Variants in PPFIA2 observed in about 807,000 individuals in gnomAD.
The protein encoded by PPFIA2 is liprin-alpha-2.
A neutral mutation model predicts 175.5 loss-of-function variants in PPFIA2; 46 were observed. The observed-to-expected ratio is 0.26, with a 90% CI of 0.21 to 0.34. The LOEUF is 0.34. Ranked by LOEUF, PPFIA2 falls within the 10% of genes least tolerant of loss-of-function variation. PPFIA2 has a pLI of 1.00. For missense variants in PPFIA2, 1,179 were observed against 1,506.1 expected (o/e 0.78, Z 3.60); for synonymous variants, 568 against 511.4 (o/e 1.11, Z -1.49).
chr12:81,507,929 C>T (rs979542150), intron 4 of PPFIA2, among the ~76,000 whole-genome samples: 1 of 152,064 alleles, frequency 6.6e-6, no homozygotes, highest in Admixed American at 6.5e-5. Context: ...TATCACATAA[C>T]CAAAAGTTTC....
intron 4 of PPFIA2, among the ~76,000 whole-genome samples, chr12:81,489,029 C>G (rs1209590791): frequency 6.6e-6 from 1 of 151,762 alleles, no homozygotes; most frequent in African/African-American, 2.4e-5. Context: ...ATCACCAATG[C>G]CCAACTTTTC....
chr12:81,624,983 A>G (rs1403574718), intron 4 of PPFIA2, among the ~76,000 whole-genome samples: 1 of 151,802 alleles, frequency 6.6e-6, no homozygotes, highest in Non-Finnish European at 1.5e-5. Context: ...TGAAATAACA[A>G]AACAAAAATA....
chr12:81,277,251 G>T lies in PPFIA2; in HGVS notation c.3310+66C>A, dbSNP rs367642426. On this transcript the variant is annotated intron_variant, in intron 28 of 32. Transcript: ENST00000549396. The stretch of plus-strand genomic sequence containing the variant: ...CATTGTAACACATATAACATTTTAG[G>T]TTAGTAAAAGTGAAAGCTAAAAACC... The T allele has an allele frequency of 5.4e-4, 727 of 1,354,678 alleles. 3 individuals carry two copies. In the African/African-American group the frequency reaches 9.5e-3, roughly 18 times the overall value. 83.9% of individuals were successfully genotyped at this position (1,354,678 alleles called of 1,614,324 possible). A position where few individuals can be genotyped will look rare whatever the true frequency, so the allele number is the denominator to read the frequency against.
At position 81,411,865 on chromosome 12, in the gene PPFIA2, C is replaced by G. The variant is rs558290487; in HGVS notation, c.646-5962G>C. Reference sequence around the variant, plus strand: ...ATGGTGTTAACAGAAAAGAGAAAATCAAACCAAGTGAGGAATGCTGTGAGG... The same window carrying G: ...ATGGTGTTAACAGAAAAGAGAAAATGAAACCAAGTGAGGAATGCTGTGAGG... On this transcript the variant is annotated intron_variant, in intron 7 of 32. Transcript: ENST00000549396. 3.3e-5 allele frequency among the ~76,000 whole-genome samples: 5 copies of G among 152,010 alleles called. No individual in the cohort carries two copies. The South Asian group carries it at 8.3e-4, about 25-fold the overall frequency.
chr12:81,592,120 G>A (rs1419473295), intron 4 of PPFIA2, among the ~76,000 whole-genome samples: 1 of 152,106 alleles, frequency 6.6e-6, no homozygotes, highest in African/African-American at 2.4e-5. Context: ...TTTAAGATTT[G>A]ACTGCCCTGC....
intron 4 of PPFIA2, among the ~76,000 whole-genome samples, chr12:81,503,638 G>A (rs1256760319): frequency 6.6e-6 from 1 of 150,614 alleles, no homozygotes; most frequent in Non-Finnish European, 1.5e-5. Context: ...TAAACTTATA[G>A]ATAAACTGTG....
At chr12:81,422,213 G>A (rs2046404134) in intron 7 of PPFIA2, among the ~76,000 whole-genome samples, 1 of 150,380 alleles carries the variant, frequency 6.6e-6, no homozygotes, top group South Asian at 2.1e-4. Context: ...GAGAAACAAG[G>A]TATTGGAAAC....
chr12:81,388,288 A>G (rs2039403589), intron 8 of PPFIA2, among the ~76,000 whole-genome samples: 1 of 152,212 alleles, frequency 6.6e-6, no homozygotes, highest in Admixed American at 6.6e-5. Flanking sequence ...GTAAACAAAT[A>G]TAACTTGATA....
intron 3 of PPFIA2, among the ~76,000 whole-genome samples, chr12:81,685,069 A>G (rs2074236174): frequency 1.3e-5 from 2 of 152,216 alleles, no homozygotes; most frequent in South Asian, 4.1e-4. Context: ...CTAAAAATCA[A>G]TAATGTTTAT....
chr12:81,542,670 G>A (rs553114461), intron 4 of PPFIA2, among the ~76,000 whole-genome samples: 1 of 152,072 alleles, frequency 6.6e-6, no homozygotes, highest in Non-Finnish European at 1.5e-5. Context: ...CTTTTCTAAA[G>A]CTTTTACCTT....
chr12:81,508,048 T>C (rs1213292945), intron 4 of PPFIA2, among the ~76,000 whole-genome samples: 1 of 152,188 alleles, frequency 6.6e-6, no homozygotes, highest in East Asian at 1.9e-4. Flanking sequence ...CTAAGTTCCT[T>C]AGATCTCAAT....
chr12:81,626,201 C>T (rs542555432), intron 4 of PPFIA2, among the ~76,000 whole-genome samples: 1 of 151,078 alleles, frequency 6.6e-6, no homozygotes, highest in Non-Finnish European at 1.5e-5. Context: ...GTAGAGGATT[C>T]ATACTAGGTT....
intron 3 of PPFIA2, among the ~76,000 whole-genome samples, chr12:81,704,891 C>A (rs2076923629): frequency 6.6e-6 from 1 of 150,650 alleles, no homozygotes; most frequent in South Asian, 2.1e-4. Flanking sequence ...TGAGACCAGC[C>A]TGACCAACAT....
intron 3 of PPFIA2, among the ~76,000 whole-genome samples, chr12:81,705,631 A>G (rs1188225751): frequency 1.3e-5 from 2 of 152,156 alleles, no homozygotes; most frequent in East Asian, 1.9e-4. Context: ...CAGTGAATTA[A>G]TACAATAGAT....
intron 4 of PPFIA2, among the ~76,000 whole-genome samples, chr12:81,672,682 A>G (rs1381511539): frequency 6.6e-6 from 1 of 152,060 alleles, no homozygotes; most frequent in East Asian, 1.9e-4. Context: ...AGATCTTATT[A>G]TTCCAAAGAA....
At position 81,642,649 on chromosome 12, in the gene PPFIA2, TG is replaced by T. The variant is rs374427395; in HGVS notation, c.303+34141del. 1.8e-4 allele frequency among the ~76,000 whole-genome samples: 19 copies of T among 103,620 alleles called. 2 individuals are homozygous for T. The highest frequency in any genetic ancestry group is 4.7e-4 in the African/African-American group (14 of 29,474). The allele number at this position is 103,620 out of a possible 152,430, so 68.0% of individuals were successfully genotyped here. A position where few individuals can be genotyped will look rare whatever the true frequency, so the allele number is the denominator to read the frequency against. ...ACTATATATCTATTATATACATACA[TG>T]TATGTATCTATTATATACATACATG... is the stretch of plus-strand genomic sequence containing the variant. On this transcript the variant is annotated intron_variant, in intron 4 of 32. Coordinates refer to ENST00000549396, the MANE Select transcript of PPFIA2 (RefSeq NM_003625.5).
chr12:81,753,080 G>T (rs530234097), intron 3 of PPFIA2, among the ~76,000 whole-genome samples: 1 of 151,748 alleles, frequency 6.6e-6, no homozygotes, highest in Non-Finnish European at 1.5e-5. Flanking sequence ...GACTACAGGC[G>T]CATGGCACCA....
chr12:81,439,899 A>C, intron 7 of PPFIA2, 73 bp downstream of exon 7: 2 of 1,186,752 alleles, frequency 1.7e-6, no homozygotes, highest in East Asian at 4.9e-5. Flanking sequence ...TTATAATAAA[A>C]GTGACGTGAA....
At chr12:81,357,406 T>C (rs993299032) in intron 16 of PPFIA2, among the ~76,000 whole-genome samples, 2 of 152,096 alleles carry the variant, frequency 1.3e-5, no homozygotes, top group Non-Finnish European at 2.9e-5. Flanking sequence ...ATAAAAGTGG[T>C]TGAAAGAATA....
Sources: allele counts gnomAD v4.1 joint callset (sites outside exome capture counted in the v4.1 genomes callset), GRCh38; gene constraint gnomAD v4.1.1; transcripts MANE v1.5; gene names NCBI Gene and HGNC (gene_info 2026-07-23, HGNC 2026-07-21).